The following OSMR variants were observed in gnomAD, a reference collection of about 807,000 sequenced individuals.
OSMR encodes the protein oncostatin M receptor.
Under a neutral mutation model 99.9 loss-of-function variants are expected in OSMR, and 81 were observed. That is an observed-to-expected ratio of 0.81 (90% confidence interval 0.68 to 0.97). The LOEUF (loss-of-function observed/expected upper bound fraction) is 0.97, where lower values mean the gene tolerates loss of function less well. OSMR is among the 50% of genes least tolerant of loss of function. The probability of loss-of-function intolerance (pLI) is 0.00; values close to 1 mark genes in which losing one functional copy is unlikely to be tolerated. For synonymous variants in OSMR, 406 were observed against 410.4 expected (o/e 0.99, Z 0.13); for missense variants, 1,099 against 1,153.4 (o/e 0.95, Z 0.68).
intron 5 of OSMR, 57 bp downstream of exon 5, chr5:38,884,168 A>C: frequency 7.9e-7 from 1 of 1,258,028 alleles, no homozygotes. Context: ...AATAGATTAA[A>C]TCTCCTTTAC....
intron 1 of OSMR, among the ~76,000 whole-genome samples, chr5:38,858,898 T>G (rs751220880): frequency 1.1e-4 from 16 of 152,366 alleles, no homozygotes; most frequent in Admixed American, 3.3e-4. Flanking sequence ...GTGGGCCATT[T>G]GTATGTCTTC....
intron 1 of OSMR, among the ~76,000 whole-genome samples, chr5:38,852,718 ATTTTTT>A (rs61559728): frequency 5.7e-5 from 4 of 70,678 alleles, no homozygotes; most frequent in Admixed American, 2.1e-4. Context: ...TATTGTTTTC[ATTTTTT>A]TTTTTTTTTT....
At chr5:38,883,682 G>C in intron 4 of OSMR, 145 bp from the exon 5 acceptor site, 5 of 1,527,624 alleles carry the variant, frequency 3.3e-6, no homozygotes, top group Non-Finnish European at 4.4e-6. Flanking sequence ...CCAGAGGGTA[G>C]AGGTTTGGCA....
intron 1 of OSMR, among the ~76,000 whole-genome samples, chr5:38,854,042 TAAAA>T (rs542459630): frequency 3.6e-5 from 5 of 139,576 alleles, no homozygotes; most frequent in Non-Finnish European, 7.8e-5. Context: ...GCAGTACTCT[TAAAA>T]AAAAAAAAAA....
downstream of OSMR, among the ~76,000 whole-genome samples, chr5:38,937,097 C>T (rs559690498): frequency 6.6e-6 from 1 of 152,180 alleles, no homozygotes; most frequent in African/African-American, 2.4e-5. The surrounding 1 kb of genome is among the most constrained non-coding windows in gnomAD (Gnocchi z 4.0). Flanking sequence ...TGCAGTGGCA[C>T]GATCTTGGCT....
At chr5:38,897,984 T>A (rs1744629781) in intron 7 of OSMR, among the ~76,000 whole-genome samples, 1 of 152,242 alleles carries the variant, frequency 6.6e-6, no homozygotes, top group Admixed American at 6.5e-5. Flanking sequence ...ATTATTTCAA[T>A]TTTTAAAACT....
At chr5:38,944,680 A>G (rs772045801) in intron 2 of OSMR, 2 of 985,024 alleles carry the variant, frequency 2.0e-6, no homozygotes, top group South Asian at 1.6e-5. Context: ...TCAATTACAC[A>G]TGATCTACCA....
chr5:38,902,122 A>G (rs1030974905), intron 7 of OSMR, among the ~76,000 whole-genome samples: 4 of 152,216 alleles, frequency 2.6e-5, no homozygotes, highest in Admixed American at 6.5e-5. Context: ...TAATATTTAT[A>G]TCTGTATTAA....
intron 10 of OSMR, among the ~76,000 whole-genome samples, 178 bp downstream of exon 10, chr5:38,917,800 C>T (rs1254289035): frequency 6.6e-6 from 1 of 152,158 alleles, no homozygotes; most frequent in African/African-American, 2.4e-5. Context: ...CCTTTGATAG[C>T]TGATGCAACT....
intron 2 of OSMR, among the ~76,000 whole-genome samples, chr5:38,869,821 T>A (rs1401778593): frequency 6.6e-6 from 1 of 152,196 alleles, no homozygotes; most frequent in Non-Finnish European, 1.5e-5. Context: ...GGTTCATAAT[T>A]TTTTGTATCT....
At chr5:38,912,696 C>T (rs1745662978) in intron 9 of OSMR, among the ~76,000 whole-genome samples, 1 of 152,162 alleles carries the variant, frequency 6.6e-6, no homozygotes, top group Non-Finnish European at 1.5e-5. Flanking sequence ...TTACAGTAAC[C>T]AAAACATCAT....
intron 1 of OSMR, chr5:38,944,187 T>C: frequency 3.6e-6 from 2 of 548,654 alleles, no homozygotes; most frequent in South Asian, 1.6e-5. Flanking sequence ...GGCATTATTT[T>C]ACATTTTTTG....
At position 38,925,302 on chromosome 5, in the gene OSMR, ACTCCATTCACTAGTG is replaced by A. The variant is rs1235218175; in HGVS notation, c.2146_2160del (p.Pro716_Ala720del). On this transcript the variant is annotated inframe_deletion, in exon 15 of 18. Transcript: ENST00000274276. Reference sequence around the variant, plus strand: ...AGAATCCTTCTATGAGTTTTTCATCACTCCATTCACTAGTGCTGGTGAAGGCCCCAGTGCTACGTT... The same window carrying A: ...AGAATCCTTCTATGAGTTTTTCATCACTGGTGAAGGCCCCAGTGCTACGTT... 2 of 1,613,962 alleles carry A rather than the reference ACTCCATTCACTAGTG, an allele frequency of 1.2e-6. No homozygotes were observed. The highest frequency in any genetic ancestry group is 1.7e-6 in the Non-Finnish European group (2 of 1,179,956).
intron 3 of OSMR, among the ~76,000 whole-genome samples, chr5:38,876,584 C>G (rs960477241): frequency 1.3e-5 from 2 of 152,160 alleles, no homozygotes; most frequent in African/African-American, 4.8e-5. Context: ...ATGGGATGCA[C>G]TAAGAAAATA....
chr5:38,940,257 G>A (rs141174635), downstream of OSMR: 57 of 229,622 alleles, frequency 2.5e-4, no homozygotes, highest in African/African-American at 1.2e-3. Context: ...GTGTGTGTGT[G>A]TAAGACAAAA....
intron 1 of OSMR, among the ~76,000 whole-genome samples, chr5:38,853,370 T>C (rs570731918): frequency 3.3e-5 from 5 of 152,350 alleles, no homozygotes; most frequent in East Asian, 3.9e-4. Context: ...GTTATTTTAT[T>C]CTTCTCCTTC....
chr5:38,916,963 G>T (rs1346048337), intron 9 of OSMR, among the ~76,000 whole-genome samples: 1 of 152,048 alleles, frequency 6.6e-6, no homozygotes, highest in Non-Finnish European at 1.5e-5. Context: ...CACAATAGAA[G>T]AAATGCTGGG....
rs903745655 is a variant in OSMR at position 38,934,542 on chromosome 5, T to A, written c.*1098T>A. ...ACCTGGTACACAACTGGTATTTTAG[T>A]ACATGTTGGTTCTTTTGGTGCAATC... On this transcript the variant is annotated 3_prime_UTR_variant, in exon 18 of 18. Transcript: ENST00000274276. 7 of 152,158 alleles carry A rather than the reference T, an allele frequency of 4.6e-5. No homozygotes were observed. The highest frequency in any genetic ancestry group is 1.7e-4 in the African/African-American group (7 of 41,412). 9.4% of individuals were successfully genotyped at this position (152,158 alleles called of 1,614,324 possible).
At chr5:38,848,084 T>G (rs756434360) in intron 1 of OSMR, among the ~76,000 whole-genome samples, 5 of 152,306 alleles carry the variant, frequency 3.3e-5, no homozygotes, top group Middle Eastern at 3.4e-3. Flanking sequence ...TCAGTGGTAC[T>G]GTATTTAACA....
Sources: gnomAD v4.1 joint callset for allele counts (sites outside exome capture counted in the v4.1 genomes callset) on GRCh38, gnomAD v4.1.1 for gene constraint, Gnocchi (gnomAD v3.1) non-coding constraint, MANE v1.5 for transcripts, NCBI Gene and HGNC (gene_info 2026-07-23, HGNC 2026-07-21) for gene names.